SCIN: variants seen among roughly 807,000 people sequenced by gnomAD.
The protein encoded by SCIN is adseverin.
Under a neutral mutation model 91.8 loss-of-function variants are expected in SCIN, and 91 were observed. That is an observed-to-expected ratio of 0.99 (90% CI 0.84 to 1.18). The LOEUF is 1.18. Among genes scored for constraint, SCIN ranks in the 50% most tolerant of loss-of-function variants. The pLI, the probability that SCIN is intolerant of heterozygous loss-of-function variation, is 0.00. For missense variants in SCIN, 1,087 were observed against 863.9 expected, an observed-to-expected ratio of 1.26 and a Z score of -3.24; for synonymous variants, 367 against 312.6, an observed-to-expected ratio of 1.17 and a Z score of -1.84.
chr7:12,585,986 A>T (rs1782579184), intron 3 of SCIN, among the ~76,000 whole-genome samples: 1 of 152,208 alleles, frequency 6.6e-6, no homozygotes, highest in Non-Finnish European at 1.5e-5. Context: ...CCAGTGTCCC[A>T]GCCCTTTAGG....
At chr7:12,578,586 A>G (rs1782421653) in intron 2 of SCIN, among the ~76,000 whole-genome samples, 1 of 152,092 alleles carries the variant, frequency 6.6e-6, no homozygotes, top group Non-Finnish European at 1.5e-5. Context: ...TATTCTAGAA[A>G]ATCTCTGAAG....
chr7:12,583,571 A>G, intron 3 of SCIN, among the ~76,000 whole-genome samples: 1 of 152,208 alleles, frequency 6.6e-6, no homozygotes, highest in Non-Finnish European at 1.5e-5. Context: ...TGACAGTTTC[A>G]GAATCTGCTG....
At position 12,625,819 on chromosome 7, in the gene SCIN, T is replaced by G; in HGVS notation, c.950T>G (p.Leu317Arg). 6.2e-7 allele frequency: 1 copy of G among 1,612,666 alleles called. No individual in the cohort carries two copies. The highest frequency in any genetic ancestry group is 1.1e-5 in the South Asian group (1 of 90,976). The change falls in exon 7 of 16, where the codon CTA (leucine) becomes CGA (arginine). Residue 317 changes from leucine to arginine, a missense_variant. By Grantham distance (102) the Leu-to-Arg change is moderately radical. Coordinates refer to ENST00000297029, the MANE Select transcript of SCIN (RefSeq NM_001112706.3). ...KAAMKTAEEF[L>R]QQMNYSKNTQ... ...GCAATGAAGACAGCTGAAGAATTTCTACAGCAAATGAATTATTCCAAGAAT... is the reference window on the plus strand; with the variant it reads ...GCAATGAAGACAGCTGAAGAATTTCGACAGCAAATGAATTATTCCAAGAAT...
intron 3 of SCIN, among the ~76,000 whole-genome samples, chr7:12,603,708 A>G (rs1327104358): frequency 1.3e-5 from 2 of 152,276 alleles, no homozygotes; most frequent in East Asian, 3.9e-4. Context: ...GGTAGCTAAT[A>G]TAATCTCTAC....
chr7:12,572,676 C>T (rs1015320707), intron 1 of SCIN, among the ~76,000 whole-genome samples: 2 of 152,186 alleles, frequency 1.3e-5, no homozygotes, highest in African/African-American at 4.8e-5. Flanking sequence ...TCACCTTATT[C>T]ACTTAATTAT....
intron 9 of SCIN, among the ~76,000 whole-genome samples, chr7:12,629,616 A>G (rs983396068): frequency 6.6e-6 from 1 of 152,224 alleles, no homozygotes; most frequent in African/African-American, 2.4e-5. Context: ...GCAATATGGC[A>G]AAACCTGTAG....
Position 12,651,978 on chromosome 7 carries a change from C to A in SCIN, c.2020+77C>A. 1.1e-6 allele frequency: 1 copy of A among 904,422 alleles called. No homozygotes were observed. Among genetic ancestry groups the A allele is most frequent in the East Asian group, 2.6e-5 (1 of 37,754 alleles). 56.0% of individuals were successfully genotyped at this position (904,422 alleles called of 1,614,324 possible). On this transcript the variant is annotated intron_variant, in intron 15 of 15. Coordinates refer to ENST00000297029, the MANE Select transcript of SCIN (RefSeq NM_001112706.3). The surrounding 1 kb of genome is among the most constrained non-coding windows in gnomAD (Gnocchi z 5.9). ...GAGTGTCTGGCTTGCTCTTTGCCAC[C>A]ATGTCTTACAAAAATACATTTCAAA...
intron 1 of SCIN, chr7:12,571,559 C>T (rs369806052): frequency 1.1e-5 from 5 of 467,364 alleles, no homozygotes; most frequent in South Asian, 3.1e-5. Context: ...CTACCCGCAC[C>T]ATGCTGCTTG....
chr7:12,574,073 T>A (rs756533326), intron 1 of SCIN, among the ~76,000 whole-genome samples: 5 of 152,234 alleles, frequency 3.3e-5, no homozygotes, highest in Non-Finnish European at 5.9e-5. Flanking sequence ...TGAAGTTTTG[T>A]ATTCACATGA....
At chr7:12,645,230 A>G (rs542236498) in intron 13 of SCIN, among the ~76,000 whole-genome samples, 1 of 151,658 alleles carries the variant, frequency 6.6e-6, no homozygotes, top group African/African-American at 2.4e-5. Context: ...GAGACAGGAG[A>G]ATCTCTTGAA....
At position 12,570,963 on chromosome 7, in the gene SCIN, C is replaced by A. The variant is rs6948573; in HGVS notation, c.177C>A (p.Thr59=). The A allele has an allele frequency of 1.3e-6, 2 of 1,551,172 alleles. No individual in the cohort carries two copies. Among genetic ancestry groups the A allele is most frequent in the African/African-American group, 2.7e-5 (2 of 73,176 alleles). ...CGGCCAAGACGAGCCGAGGCTTCAC[C>A]TACCACCTGCACTTCTGGCTCGGTA... ...LHTAKTSRGF[T]YHLHFWLGKE... is the part of the protein sequence containing the mutation. Residue 59 remains threonine, a synonymous_variant, in exon 1 of 16, where the codon ACC becomes ACA. Coordinates refer to ENST00000297029, the MANE Select transcript of SCIN (RefSeq NM_001112706.3).
chr7:12,604,455 C>G, intron 3 of SCIN, 59 bp from the exon 4 acceptor site: 1 of 1,452,978 alleles, frequency 6.9e-7, no homozygotes, highest in South Asian at 1.2e-5. Flanking sequence ...AAGTATTACA[C>G]TGAGGCTGAA....
At chr7:12,650,226 G>A (rs534913593) in intron 14 of SCIN, among the ~76,000 whole-genome samples, 3 of 152,172 alleles carry the variant, frequency 2.0e-5, no homozygotes. Flanking sequence ...AAACCATTCA[G>A]TTATATCACA....
intron 7 of SCIN, chr7:12,626,316 G>A (rs575707443): frequency 2.4e-6 from 1 of 424,396 alleles, no homozygotes; most frequent in East Asian, 4.3e-5. Flanking sequence ...ATTTCTTCCA[G>A]GTCACAGAGC....
chr7:12,601,227 T>A (rs1782951881), intron 3 of SCIN, among the ~76,000 whole-genome samples: 1 of 152,176 alleles, frequency 6.6e-6, no homozygotes, highest in Non-Finnish European at 1.5e-5. Flanking sequence ...GAGAGACTAT[T>A]GCAAGCCTAC....
intron 12 of SCIN, 133 bp downstream of exon 12, chr7:12,644,448 G>C: frequency 7.0e-7 from 1 of 1,436,594 alleles, no homozygotes; most frequent in Non-Finnish European, 9.3e-7. Flanking sequence ...TGCAGAGGTG[G>C]GTGGGTGATG....
At chr7:12,587,870 A>G (rs1782623015) in intron 3 of SCIN, among the ~76,000 whole-genome samples, 1 of 151,984 alleles carries the variant, frequency 6.6e-6, no homozygotes, top group Non-Finnish European at 1.5e-5. Context: ...ATTCTTGCCT[A>G]CTCTGTGTTT....
intron 3 of SCIN, among the ~76,000 whole-genome samples, chr7:12,600,300 A>G (rs1782931973): frequency 6.6e-6 from 1 of 152,236 alleles, no homozygotes; most frequent in Non-Finnish European, 1.5e-5. Context: ...GAGCTAAGAT[A>G]TAAGAATGCA....
chr7:12,582,286 T>A (rs1782503693), intron 3 of SCIN, among the ~76,000 whole-genome samples: 1 of 152,312 alleles, frequency 6.6e-6, no homozygotes, highest in South Asian at 2.1e-4. Context: ...CCAAAAGAGC[T>A]TATTCCATCT....
Sources: gnomAD v4.1 joint callset for allele counts (sites outside exome capture counted in the v4.1 genomes callset) on GRCh38, gnomAD v4.1.1 for gene constraint, Gnocchi (gnomAD v3.1) non-coding constraint, MANE v1.5 for transcripts, NCBI Gene and HGNC (gene_info 2026-07-23, HGNC 2026-07-21) for gene names.